Variants in ANKRD44 observed in about 807,000 individuals in gnomAD.
The protein encoded by ANKRD44 is serine/threonine-protein phosphatase 6 regulatory ankyrin repeat subunit B.
A neutral mutation model predicts 116.0 loss-of-function variants in ANKRD44; 35 were observed. That is an observed-to-expected ratio of 0.30 (90% CI 0.23 to 0.40). ANKRD44 has a LOEUF of 0.40. Ranked by LOEUF, ANKRD44 falls within the 10% of genes least tolerant of loss-of-function variation. The pLI is 1.00. For missense variants in ANKRD44, 1,014 were observed against 1,242.6 expected (o/e 0.82, Z 2.77); for synonymous variants, 435 against 461.8 (o/e 0.94, Z 0.74).
intron 27 of ANKRD44, among the ~76,000 whole-genome samples, 158 bp downstream of exon 27, chr2:196,993,425 A>G (rs1480337241): frequency 6.6e-6 from 1 of 152,264 alleles, no homozygotes; most frequent in African/African-American, 2.4e-5. Context: ...AAAGACAGAC[A>G]GGACAAGTTA....
At chr2:197,033,632 G>T (rs1302892459) in intron 16 of ANKRD44, among the ~76,000 whole-genome samples, 1 of 150,118 alleles carries the variant, frequency 6.7e-6, no homozygotes, top group Admixed American at 6.6e-5. Flanking sequence ...CAGGGATGGG[G>T]GCAGGAAACA....
intron 1 of ANKRD44, among the ~76,000 whole-genome samples, chr2:197,260,260 T>A (rs1166085890): frequency 6.6e-6 from 1 of 151,864 alleles, no homozygotes; most frequent in African/African-American, 2.4e-5. Flanking sequence ...CAGTCCCCGG[T>A]GTGTGATGTT....
chr2:196,994,750 T>C (rs1300982389), intron 26 of ANKRD44: 1 of 151,902 alleles, frequency 6.6e-6, no homozygotes, highest in Non-Finnish European at 1.5e-5. Context: ...CATGAACTCC[T>C]GGCCTCAAGT....
intron 1 of ANKRD44, among the ~76,000 whole-genome samples, chr2:197,265,499 A>C (rs2082719606): frequency 6.6e-6 from 1 of 152,116 alleles, no homozygotes; most frequent in Non-Finnish European, 1.5e-5. Context: ...TGCCTGTCTC[A>C]GCCTCCCAAA....
chr2:197,025,865 G>A (rs2076581837), intron 16 of ANKRD44, among the ~76,000 whole-genome samples: 1 of 152,124 alleles, frequency 6.6e-6, no homozygotes, highest in East Asian at 1.9e-4. Flanking sequence ...TCAATGATAT[G>A]CATCAAGAGA....
Position 197,060,540 on chromosome 2 carries a change from C to T in ANKRD44, c.1650+18163G>A, listed in dbSNP as rs768907926. Among the ~76,000 whole-genome samples the T allele has an allele frequency of 5.9e-5, 9 of 152,256 alleles. No individual in the cohort carries two copies. In the South Asian group the frequency reaches 8.3e-4, roughly 14 times the overall value. ...CTCAGATAGTTACCTTGTGTGTGTG[C>T]GGTGAGAACACTTTCTACTCTCAGC... On this transcript the variant is annotated intron_variant, in intron 16 of 27. Transcript: ENST00000282272.
In ANKRD44 at chr2:197,187,094, G is replaced by C. The variant is rs375355673; in HGVS notation, c.40C>G (p.Gln14Glu). 1.6e-5 allele frequency: 26 copies of C among 1,613,948 alleles called. No homozygotes were observed. The highest frequency in any genetic ancestry group is 2.2e-5 in the Non-Finnish European group (26 of 1,179,988). Residue 14 changes from glutamine (Q) to glutamate (E), a missense_variant, in exon 2 of 28, where the codon CAG becomes GAG. Gln to Glu is a conservative substitution (Grantham distance 29). Transcript: ENST00000282272. ...LKLTDQPPLV[Q>E]AIFSGDPEEI... ...TCTGGATCACCGCTGAAGATTGCCT[G>C]AACCAATGGTGGCTGCAAACACAAG...
downstream of ANKRD44, among the ~76,000 whole-genome samples, chr2:196,982,077 ATCTCT>A (rs1319077305): frequency 3.4e-4 from 48 of 140,218 alleles, 1 homozygote; most frequent in East Asian, 3.0e-3. Context: ...TCCTGAGGGA[ATCTCT>A]TCTCATTTGT....
rs1574275617 is a variant in ANKRD44, at chr2:197,013,750, C to T, written c.1723-38G>A. On this transcript the variant is annotated intron_variant, in intron 17 of 27. Transcript: ENST00000282272. Reference sequence around the variant, plus strand: ...AACCAATGGCTCCCATGCTTGCTCGCTCACCTCAAATCCCGCCACAGTCCA... The same window carrying T: ...AACCAATGGCTCCCATGCTTGCTCGTTCACCTCAAATCCCGCCACAGTCCA... 3 of 1,608,274 alleles carry T rather than the reference C, an allele frequency of 1.9e-6. No individual in the cohort carries two copies. The East Asian group carries it at 6.7e-5, about 36-fold the overall frequency.
chr2:197,093,923 G>A (rs926402413), intron 10 of ANKRD44, among the ~76,000 whole-genome samples: 3 of 152,122 alleles, frequency 2.0e-5, no homozygotes, highest in Non-Finnish European at 2.9e-5. Flanking sequence ...GACCAATTTC[G>A]TTAAATTGCC....
At chr2:197,111,361 G>A (rs528531810) in intron 8 of ANKRD44, among the ~76,000 whole-genome samples, 10 of 152,276 alleles carry the variant, frequency 6.6e-5, no homozygotes, top group Non-Finnish European at 1.3e-4. Flanking sequence ...ACTGACCTGA[G>A]GCCGGTCGTG....
At chr2:197,137,218 T>C (rs2079240268) in intron 3 of ANKRD44, among the ~76,000 whole-genome samples, 2 of 152,284 alleles carry the variant, frequency 1.3e-5, no homozygotes, top group African/African-American at 2.4e-5. Context: ...ATTAGTCTTC[T>C]GGTCAGAGAT....
chr2:197,018,295 C>T (rs990965408), intron 17 of ANKRD44, among the ~76,000 whole-genome samples: 3 of 152,134 alleles, frequency 2.0e-5, no homozygotes, highest in Non-Finnish European at 4.4e-5. Context: ...ACCAATCAGG[C>T]CCCCAGAATC....
intron 16 of ANKRD44, chr2:197,078,481 C>T: frequency 7.8e-7 from 1 of 1,286,460 alleles, no homozygotes; most frequent in South Asian, 1.5e-5. Context: ...TTGTGCTGTG[C>T]TTAAAAGCCT....
downstream of ANKRD44, among the ~76,000 whole-genome samples, chr2:196,984,196 G>C (rs1262668764): frequency 1.3e-5 from 2 of 152,212 alleles, no homozygotes; most frequent in African/African-American, 2.4e-5. Context: ...GGGTAGAGGA[G>C]CATTGACATT....
At chr2:197,183,965 G>A (rs983724499) in intron 2 of ANKRD44, among the ~76,000 whole-genome samples, 3 of 152,024 alleles carry the variant, frequency 2.0e-5, no homozygotes, top group Non-Finnish European at 4.4e-5. Flanking sequence ...ATAGCATCCC[G>A]GATTTTTTCT....
At chr2:197,214,450 T>C (rs2081393172) in intron 1 of ANKRD44, among the ~76,000 whole-genome samples, 1 of 152,170 alleles carries the variant, frequency 6.6e-6, no homozygotes, top group South Asian at 2.1e-4. Flanking sequence ...TTAAGTAACA[T>C]ATACAATGAG....
chr2:197,018,203 C>T (rs1231724476), intron 17 of ANKRD44, among the ~76,000 whole-genome samples: 1 of 152,206 alleles, frequency 6.6e-6, no homozygotes, highest in African/African-American at 2.4e-5. Context: ...CTTTTAAACT[C>T]GAGTTGGGTC....
chr2:197,115,722 T>C (rs980682076), intron 8 of ANKRD44, among the ~76,000 whole-genome samples: 2 of 152,194 alleles, frequency 1.3e-5, no homozygotes, highest in Non-Finnish European at 2.9e-5. Context: ...ACAAACACTT[T>C]CAAAATCCAA....
Sources: gnomAD v4.1 joint callset for allele counts (sites outside exome capture counted in the v4.1 genomes callset) on GRCh38, gnomAD v4.1.1 for gene constraint, MANE v1.5 for transcripts, NCBI Gene and HGNC (gene_info 2026-07-23, HGNC 2026-07-21) for gene names.